Variants in ASPRV1 observed in about 807,000 individuals in gnomAD.
ASPRV1 encodes retroviral-like aspartic protease 1.
A neutral mutation model predicts 11.0 loss-of-function variants in ASPRV1; 7 were observed. That is an observed-to-expected ratio of 0.64 (90% CI 0.36 to 1.20). ASPRV1 has a LOEUF of 1.20. ASPRV1 is among the 50% of genes most tolerant of loss of function. The pLI, the probability that ASPRV1 is intolerant of heterozygous loss-of-function variation, is 0.02. For synonymous variants in ASPRV1, 136 were observed against 138.4 expected (o/e 0.98, Z 0.12); for missense variants, 299 against 320.0 (o/e 0.93, Z 0.50).
the ASPRV1 span, chr2:69,937,371 C>A: frequency 6.2e-7 from 1 of 1,610,858 alleles, no homozygotes; most frequent in South Asian, 1.1e-5. Context: ...ACCGTCTCCT[C>A]GGAGCGCTCC....
chr2:69,943,413 A>T, the ASPRV1 span, among the ~76,000 whole-genome samples: 4 of 152,052 alleles, frequency 2.6e-5, no homozygotes, highest in Non-Finnish European at 5.9e-5. Context: ...GCCCTGGAGG[A>T]GGAGTGAGTG....
chr2:69,987,400 T>C, the ASPRV1 span, among the ~76,000 whole-genome samples: 4 of 152,002 alleles, frequency 2.6e-5, no homozygotes, highest in East Asian at 5.8e-4. Context: ...GTCCCATTCC[T>C]CTGGGCCTCT....
the ASPRV1 span, chr2:70,019,259 T>C: frequency 1.3e-5 from 2 of 152,154 alleles, no homozygotes; most frequent in Non-Finnish European, 2.9e-5. Flanking sequence ...AGAGGAAAGA[T>C]GACAAGCATT....
At chr2:70,074,065 C>T in the ASPRV1 span, among the ~76,000 whole-genome samples, 3 of 122,766 alleles carry the variant, frequency 2.4e-5, no homozygotes, top group Middle Eastern at 0.011. Flanking sequence ...ACCCAGGAGG[C>T]GGAGCTTGCA....
At chr2:69,962,526 A>T (rs1419396118), upstream of ASPRV1, 1 of 152,334 alleles carries the variant, frequency 6.6e-6, no homozygotes, top group East Asian at 1.9e-4. Context: ...TATGTTGGTG[A>T]TGCCAGTGGT....
the ASPRV1 span, among the ~76,000 whole-genome samples, chr2:70,029,747 G>C: frequency 2.0e-5 from 3 of 152,260 alleles, no homozygotes; most frequent in Admixed American, 2.0e-4. Flanking sequence ...AGCACACCAA[G>C]GCTGAGCTAA....
the ASPRV1 span, among the ~76,000 whole-genome samples, chr2:70,084,994 C>T: frequency 6.6e-6 from 1 of 152,244 alleles, no homozygotes; most frequent in South Asian, 2.1e-4. Flanking sequence ...CAATCAGAGC[C>T]CTGCTCAGGC....
Position 69,960,562 on chromosome 2 carries a change from G to T in ASPRV1, c.*95C>A. The T allele has an allele frequency of 7.5e-7, 1 of 1,328,188 alleles. No individual in the cohort carries two copies. Among genetic ancestry groups the T allele is most frequent in the Non-Finnish European group, 1.0e-6 (1 of 969,418 alleles). The allele number at this position is 1,328,188 out of a possible 1,614,324, so 82.3% of individuals were successfully genotyped here. A position where few individuals can be genotyped will look rare whatever the true frequency, so the allele number is the denominator to read the frequency against. ...AAGAGCAAGAGTTGATAAGCAGACT[G>T]GCCAAGCCCAGTGACCCCCATGAGG... On this transcript the variant is annotated 3_prime_UTR_variant, in exon 1 of 1. Coordinates refer to ENST00000320256, the MANE Select transcript of ASPRV1 (RefSeq NM_152792.4).
the ASPRV1 span, chr2:70,073,286 T>C: frequency 6.6e-6 from 1 of 152,192 alleles, no homozygotes; most frequent in South Asian, 2.1e-4. Context: ...CAAGAGTTTT[T>C]ATTCTAAATA....
downstream of ASPRV1, among the ~76,000 whole-genome samples, chr2:69,958,413 A>C (rs1677987678): frequency 2.0e-5 from 3 of 152,216 alleles, no homozygotes; most frequent in South Asian, 6.2e-4. Flanking sequence ...GAGCAGGGGA[A>C]GAAGGTGTCT....
the ASPRV1 span, among the ~76,000 whole-genome samples, chr2:69,974,240 G>A: frequency 6.6e-6 from 1 of 152,006 alleles, no homozygotes; most frequent in Non-Finnish European, 1.5e-5. Context: ...AGGAGGCTGA[G>A]GCAGGAGAAT....
At chr2:70,019,633 A>G in the ASPRV1 span, among the ~76,000 whole-genome samples, 2 of 152,210 alleles carry the variant, frequency 1.3e-5, no homozygotes, top group Non-Finnish European at 2.9e-5. Context: ...AACCTGGAGG[A>G]TACTATGTCA....
the ASPRV1 span, among the ~76,000 whole-genome samples, chr2:70,006,231 C>T: frequency 1.3e-5 from 2 of 152,160 alleles, no homozygotes; most frequent in Non-Finnish European, 2.9e-5. Flanking sequence ...TTGAGAACCA[C>T]TGATACAGTC....
At chr2:70,067,242 T>A in the ASPRV1 span, among the ~76,000 whole-genome samples, 1 of 152,106 alleles carries the variant, frequency 6.6e-6, no homozygotes, top group Non-Finnish European at 1.5e-5. Flanking sequence ...AAGGAAGGAA[T>A]GATTAATCAT....
chr2:70,017,581 A>T, the ASPRV1 span, among the ~76,000 whole-genome samples: 1 of 152,258 alleles, frequency 6.6e-6, no homozygotes, highest in South Asian at 2.1e-4. Flanking sequence ...CAAATCGCAA[A>T]GGAAAAAGTT....
chr2:70,007,293 G>A, the ASPRV1 span, among the ~76,000 whole-genome samples: 2 of 152,026 alleles, frequency 1.3e-5, no homozygotes, highest in Admixed American at 1.3e-4. Context: ...TGAGGCGGGT[G>A]GATCACCTGA....
the ASPRV1 span, among the ~76,000 whole-genome samples, chr2:70,025,964 A>C: frequency 6.6e-6 from 1 of 152,228 alleles, no homozygotes; most frequent in Non-Finnish European, 1.5e-5. Context: ...GCATCAGAGA[A>C]CTAAAAACCT....
At chr2:70,077,652 G>A in the ASPRV1 span, among the ~76,000 whole-genome samples, 2 of 151,406 alleles carry the variant, frequency 1.3e-5, no homozygotes, top group Non-Finnish European at 2.9e-5. Context: ...TCAGGAGTTC[G>A]AGACCAGCCT....
the ASPRV1 span, among the ~76,000 whole-genome samples, chr2:70,020,223 A>G: frequency 6.6e-6 from 1 of 152,160 alleles, no homozygotes; most frequent in East Asian, 1.9e-4. Context: ...CATATGATCT[A>G]GCAATTCCAC....
Sources: gnomAD v4.1 joint callset for allele counts (sites outside exome capture counted in the v4.1 genomes callset) on GRCh38, gnomAD v4.1.1 for gene constraint, MANE v1.5 for transcripts, NCBI Gene and HGNC (gene_info 2026-07-23, HGNC 2026-07-21) for gene names.